The following STAM variants were observed in gnomAD, a reference collection of about 807,000 sequenced individuals.
STAM encodes signal transducing adapter molecule 1.
Under a neutral mutation model 63.4 loss-of-function variants are expected in STAM, and 16 were observed. That is an observed-to-expected ratio of 0.25 (90% CI 0.17 to 0.38). The LOEUF (loss-of-function observed/expected upper bound fraction) is 0.38. Ranked by LOEUF, STAM falls within the 10% of genes least tolerant of loss-of-function variation. STAM has a pLI of 1.00. For missense variants in STAM, 636 were observed against 657.1 expected (o/e 0.97, Z 0.35); for synonymous variants, 238 against 223.9 (o/e 1.06, Z -0.56).
intron 9 of STAM, among the ~76,000 whole-genome samples, 162 bp from the exon 10 acceptor site, chr10:17,704,269 A>G (rs935292590): frequency 6.6e-6 from 1 of 152,222 alleles, no homozygotes; most frequent in Non-Finnish European, 1.5e-5. Context: ...GACTTCATGC[A>G]GTACTAGAGA....
intron 8 of STAM, among the ~76,000 whole-genome samples, chr10:17,697,410 G>A (rs954378101): frequency 2.0e-4 from 30 of 152,194 alleles, no homozygotes; most frequent in African/African-American, 6.8e-4. Flanking sequence ...TCTCTAGTGT[G>A]TAGTCCCAGA....
chr10:17,650,968 G>A (rs1833716294), intron 1 of STAM, among the ~76,000 whole-genome samples: 1 of 150,408 alleles, frequency 6.6e-6, no homozygotes, highest in African/African-American at 2.5e-5. Flanking sequence ...AGGAGGCTGA[G>A]GCAGGAGAAT....
At chr10:17,696,615 T>A in intron 7 of STAM, 160 bp from the exon 8 acceptor site, 1 of 562,394 alleles carries the variant, frequency 1.8e-6, no homozygotes, top group Non-Finnish European at 3.1e-6. Context: ...TTTCTGAGGC[T>A]TCTTCTTCTT....
At position 17,696,758 on chromosome 10, in the gene STAM, T is replaced by C. The variant is rs1470242660; in HGVS notation, c.729-17T>C. ...ATACATTTGTTATGGTAAAGCATTGTTTTTTGTTTGTCATAGTGATCCTAA... is the reference window on the plus strand; with the variant it reads ...ATACATTTGTTATGGTAAAGCATTGCTTTTTGTTTGTCATAGTGATCCTAA... On this transcript the variant is annotated splice_polypyrimidine_tract_variant and intron_variant, in intron 7 of 13. Coordinates refer to ENST00000377524, the MANE Select transcript of STAM (RefSeq NM_003473.4). 1.9e-6 allele frequency: 3 copies of C among 1,557,256 alleles called. No homozygotes were observed. The highest frequency in any genetic ancestry group is 2.7e-6 in the Non-Finnish European group (3 of 1,128,944).
chr10:17,687,895 ATTTTCTT>A, intron 4 of STAM, 125 bp from the exon 5 acceptor site: 1 of 633,684 alleles, frequency 1.6e-6, no homozygotes, highest in East Asian at 3.3e-5. Flanking sequence ...GAATAACTAT[ATTTTCTT>A]GTCTATAGCT....
At chr10:17,651,064 CAAAAAAA>C (rs10606057) in intron 1 of STAM, among the ~76,000 whole-genome samples, 3 of 55,764 alleles carry the variant, frequency 5.4e-5, no homozygotes, top group East Asian at 1.4e-3. Context: ...GAGTCCGTCT[CAAAAAAA>C]AAAAAAAAAA....
intron 1 of STAM, among the ~76,000 whole-genome samples, chr10:17,659,329 AT>A (rs1554822559): frequency 6.6e-6 from 1 of 152,040 alleles, no homozygotes; most frequent in African/African-American, 2.4e-5. Flanking sequence ...TATATATAAA[AT>A]CGTAGGTAAT....
chr10:17,712,262 A>G (rs1836587237), intron 13 of STAM, among the ~76,000 whole-genome samples: 2 of 152,214 alleles, frequency 1.3e-5, no homozygotes. Flanking sequence ...ACCTGGAGAC[A>G]AAACGGAAGT....
chr10:17,699,184 A>G (rs1190019501), intron 8 of STAM, among the ~76,000 whole-genome samples: 1 of 152,228 alleles, frequency 6.6e-6, no homozygotes, highest in Admixed American at 6.5e-5. Context: ...TCTCTTTTAC[A>G]AAAGTTTTTA....
At chr10:17,687,884 C>T (rs1035594138) in intron 4 of STAM, 143 bp from the exon 5 acceptor site, 28 of 568,098 alleles carry the variant, frequency 4.9e-5, no homozygotes, top group African/African-American at 2.7e-4. Flanking sequence ...AGTTTTATTT[C>T]GAATAACTAT....
intron 2 of STAM, among the ~76,000 whole-genome samples, chr10:17,678,683 T>A (rs187202974): frequency 3.9e-4 from 59 of 152,340 alleles, no homozygotes; most frequent in African/African-American, 1.3e-3. Context: ...TTCAGTGGTA[T>A]TTAGTACATT....
intron 13 of STAM, among the ~76,000 whole-genome samples, chr10:17,710,267 T>C (rs1040961500): frequency 2.6e-5 from 4 of 152,178 alleles, no homozygotes; most frequent in Admixed American, 2.0e-4. Flanking sequence ...GAAATTATCC[T>C]TGTGAATGAG....
intron 5 of STAM, among the ~76,000 whole-genome samples, chr10:17,691,511 CAA>C (rs1835534867): frequency 6.6e-6 from 1 of 151,866 alleles, no homozygotes; most frequent in Admixed American, 6.6e-5. Flanking sequence ...GAGCGAGACT[CAA>C]ATAAATAAAT....
At chr10:17,661,537 C>T (rs1554822881) in intron 2 of STAM, among the ~76,000 whole-genome samples, 1 of 152,212 alleles carries the variant, frequency 6.6e-6, no homozygotes, top group African/African-American at 2.4e-5. Context: ...CTTATGGACA[C>T]TGCATTATTT....
In STAM at chr10:17,708,949, A is replaced by G; in HGVS notation, c.1383A>G (p.Pro461=). 5.0e-6 allele frequency: 8 copies of G among 1,613,210 alleles called. No individual in the cohort carries two copies. The East Asian group carries it at 6.7e-5, about 13-fold the overall frequency. Residue 461 remains proline (P), a splice_region_variant and synonymous_variant, in exon 13 of 14, where the codon CCA becomes CCG. Coordinates refer to ENST00000377524, the MANE Select transcript of STAM (RefSeq NM_003473.4). Reference sequence around the variant, plus strand: ...GTCAGCAGACTCAGGCCGCTTACCCAAAGTAATTTTACTGTTGATTCTTGT... The same window carrying G: ...GTCAGCAGACTCAGGCCGCTTACCCGAAGTAATTTTACTGTTGATTCTTGT... ...LPSQQTQAAY[P]NTMVSSVQGN... is the part of the protein sequence containing the mutation.
chr10:17,684,422 CTT>C (rs3830598), intron 2 of STAM, among the ~76,000 whole-genome samples: 1 of 146,160 alleles, frequency 6.8e-6, no homozygotes. Flanking sequence ...ATTTTCAAAC[CTT>C]TTTTTTTTTC....
Position 17,687,763 on chromosome 10 carries a change from G to A in STAM, c.298-264G>A, listed in dbSNP as rs782278692. 4.6e-5 allele frequency among the ~76,000 whole-genome samples: 7 copies of A among 152,074 alleles called. No homozygotes were observed. The South Asian group carries it at 8.3e-4, about 18-fold the overall frequency. On this transcript the variant is annotated intron_variant, in intron 4 of 13. Coordinates refer to ENST00000377524, the MANE Select transcript of STAM (RefSeq NM_003473.4). ...CTTACTGATGTACAAACCTTGCTTC[G>A]TTGCAAAATATTCTGAAAAGTCCTT...
intron 5 of STAM, among the ~76,000 whole-genome samples, chr10:17,689,411 A>C (rs1033171378): frequency 1.3e-5 from 2 of 152,208 alleles, no homozygotes; most frequent in South Asian, 4.2e-4. Flanking sequence ...TTATCTGAGC[A>C]CTCTTGAGAT....
rs1836741645 is a variant in STAM at position 17,714,865 on chromosome 10, A to T, written c.*85A>T. 6 of 1,288,962 alleles carry T rather than the reference A, an allele frequency of 4.7e-6. No individual in the cohort carries two copies. The Admixed American group carries it at 5.1e-5, about 11-fold the overall frequency. The allele number at this position is 1,288,962 out of a possible 1,614,324, so 79.8% of individuals were successfully genotyped here. A position where few individuals can be genotyped will look rare whatever the true frequency, so the allele number is the denominator to read the frequency against. ...TTCATTACTATCTTAAGATGTGTTT[A>T]TCCTCAGCTTATAGGAATCTCTCCA... On this transcript the variant is annotated 3_prime_UTR_variant, in exon 14 of 14. Transcript: ENST00000377524.
Sources: gnomAD v4.1 joint callset for allele counts (sites outside exome capture counted in the v4.1 genomes callset) on GRCh38, gnomAD v4.1.1 for gene constraint, MANE v1.5 for transcripts, NCBI Gene and HGNC (gene_info 2026-07-23, HGNC 2026-07-21) for gene names.